MRPL35: variants seen among roughly 807,000 people sequenced by gnomAD.
MRPL35 encodes the protein large ribosomal subunit protein bL35m.
In MRPL35, 18 loss-of-function variants were observed where a neutral mutation model predicts 21.6. That is an observed-to-expected ratio of 0.83 (90% CI 0.58 to 1.24). The LOEUF (loss-of-function observed/expected upper bound fraction) is 1.24. MRPL35 is among the 50% of genes most tolerant of loss of function. MRPL35 has a pLI of 0.00. For missense variants in MRPL35, 223 were observed against 223.2 expected (o/e 1.00, Z 0.01); for synonymous variants, 87 against 86.9 (o/e 1.00, Z -0.01).
In MRPL35 at chr2:86,211,596, C is replaced by T. The variant is rs1482099865; in HGVS notation, c.*928C>T. On this transcript the variant is annotated 3_prime_UTR_variant, in exon 4 of 4. Transcript: ENST00000337109. Reference sequence around the variant, plus strand: ...CATAGGAGAGTAAATAGCCCTTCAGCATGCTCATTCATGAAACAGAAGAGG... The same window carrying T: ...CATAGGAGAGTAAATAGCCCTTCAGTATGCTCATTCATGAAACAGAAGAGG... 2 of 985,398 alleles carry T rather than the reference C, an allele frequency of 2.0e-6. No homozygotes were observed. Among genetic ancestry groups the T allele is most frequent in the South Asian group, 4.7e-5 (1 of 21,286 alleles). 61.0% of individuals were successfully genotyped at this position (985,398 alleles called of 1,614,324 possible).
At chr2:86,203,746 C>A (rs769131143) in intron 1 of MRPL35, among the ~76,000 whole-genome samples, 1 of 152,226 alleles carries the variant, frequency 6.6e-6, no homozygotes. Context: ...GTCTCATTAC[C>A]TCTCCATAAT....
In MRPL35 at chr2:86,210,857, CAG is replaced by C. The variant is rs148364811; in HGVS notation, c.*191_*192del. The stretch of plus-strand genomic sequence containing the variant: ...ACTTTGCCAGATTTGGTTAGGGAAA[CAG>C]AAATTTAGAATGGTGCATTATTTTT... On this transcript the variant is annotated 3_prime_UTR_variant, in exon 4 of 4. Transcript: ENST00000337109. 2,548 of 1,274,044 alleles carry C rather than the reference CAG, an allele frequency of 2.0e-3. 50 individuals carry two copies. The African/African-American group carries it at 0.034, about 17-fold the overall frequency. 78.9% of individuals were successfully genotyped at this position (1,274,044 alleles called of 1,614,324 possible). A position where few individuals can be genotyped will look rare whatever the true frequency, so the allele number is the denominator to read the frequency against.
Position 86,210,528 on chromosome 2 carries a change from C to A in MRPL35, c.427C>A (p.Arg143=). The change falls in exon 4 of 4, where the codon CGA becomes AGA. Residue 143 remains arginine (R), a synonymous_variant. Coordinates refer to ENST00000337109, the MANE Select transcript of MRPL35 (RefSeq NM_016622.4). ...GAAAAAGACACCTGCAAGGAAGAAGCGATTGAGGGAATTTGTATTCTGCAA... is the reference window on the plus strand; with the variant it reads ...GAAAAAGACACCTGCAAGGAAGAAGAGATTGAGGGAATTTGTATTCTGCAA... ...LWKKTPARKK[R]LREFVFCNKT... 6.2e-7 allele frequency: 1 copy of A among 1,612,160 alleles called. No individual in the cohort carries two copies. Among genetic ancestry groups the A allele is most frequent in the Non-Finnish European group, 8.5e-7 (1 of 1,179,252 alleles).
Position 86,213,301 on chromosome 2 carries a change from T to C in MRPL35, c.*2633T>C, listed in dbSNP as rs1673949460. ...CTTTGCCAACTCTTAACCTAGTTAA[T>C]CCTAGTTCTGTTGACATTGGACCAG... On this transcript the variant is annotated 3_prime_UTR_variant, in exon 4 of 4. Coordinates refer to ENST00000337109, the MANE Select transcript of MRPL35 (RefSeq NM_016622.4). 8.7e-7 allele frequency: 1 copy of C among 1,153,316 alleles called. No individual in the cohort carries two copies. Among genetic ancestry groups the C allele is most frequent in the Non-Finnish European group, 1.1e-6 (1 of 938,524 alleles). The allele number at this position is 1,153,316 out of a possible 1,614,324, so 71.4% of individuals were successfully genotyped here.
Position 86,199,515 on chromosome 2 carries a change from G to A in MRPL35, c.25G>A (p.Ala9Thr), listed in dbSNP as rs151046694. The stretch of plus-strand genomic sequence containing the variant: ...GATGGCTGCCTCTGCCTTTGCTGGT[G>A]CAGTGAGAGCAGCTTCAGGTCAGTG... MAASAFAG[A>T]VRAASGILRP... Residue 9 changes from alanine to threonine, a missense_variant, in exon 1 of 4, where the codon GCA becomes ACA. Transcript: ENST00000337109. 2.5e-6 allele frequency: 4 copies of A among 1,614,206 alleles called. No individual in the cohort carries two copies. The highest frequency in any genetic ancestry group is 2.5e-6 in the Non-Finnish European group (3 of 1,180,046).
In MRPL35 at chr2:86,210,576, G is replaced by A. The variant is rs776924088; in HGVS notation, c.475G>A (p.Asp159Asn). The change falls in exon 4 of 4, where the codon GAT becomes AAT. Residue 159 changes from aspartate (D) to asparagine (N), a missense_variant. Asp to Asn is a conservative substitution (Grantham distance 23). Transcript: ENST00000337109. ...FCNKTQSKLL[D>N]KMTTSFWKRR... The stretch of plus-strand genomic sequence containing the variant: ...CAATAAAACCCAGAGTAAACTCTTA[G>A]ATAAAATGACGACGTCCTTCTGGAA... 1 of 1,614,080 alleles carries A rather than the reference G, an allele frequency of 6.2e-7. No individual in the cohort carries two copies. Among genetic ancestry groups the A allele is most frequent in the Admixed American group, 1.7e-5 (1 of 60,018 alleles).
rs558694607 is a variant in MRPL35, at chr2:86,208,593, C to T, written c.378+1266C>T. Reference sequence around the variant, plus strand: ...AAGTGCTGGGATTACAGGCATGGGCCGTGACGCCTAGCCCCACCCTTTGGT... The same window carrying T: ...AAGTGCTGGGATTACAGGCATGGGCTGTGACGCCTAGCCCCACCCTTTGGT... On this transcript the variant is annotated intron_variant, in intron 3 of 3. Coordinates refer to ENST00000337109, the MANE Select transcript of MRPL35 (RefSeq NM_016622.4). Among the ~76,000 whole-genome samples, 15 of 152,282 alleles carry T rather than the reference C, an allele frequency of 9.9e-5. No homozygotes were observed. The South Asian group carries it at 1.4e-3, about 15-fold the overall frequency.
Position 86,212,634 on chromosome 2 carries a change from C to T in MRPL35, c.*1966C>T, listed in dbSNP as rs1673930113. 7.3e-7 allele frequency: 1 copy of T among 1,371,608 alleles called. No homozygotes were observed. 85.0% of individuals were successfully genotyped at this position (1,371,608 alleles called of 1,614,324 possible). ...GGGCCTCAGAGCACCTTCGTTTCTC[C>T]TCTAGACCAGGGACAGGTGTAGAGA... On this transcript the variant is annotated 3_prime_UTR_variant, in exon 4 of 4. Transcript: ENST00000337109.
chr2:86,213,264 T>C lies in MRPL35; in HGVS notation c.*2596T>C, dbSNP rs1673947557. 9.4e-7 allele frequency: 1 copy of C among 1,065,442 alleles called. No homozygotes were observed. 66.0% of individuals were successfully genotyped at this position (1,065,442 alleles called of 1,614,324 possible). On this transcript the variant is annotated 3_prime_UTR_variant, in exon 4 of 4. Coordinates refer to ENST00000337109, the MANE Select transcript of MRPL35 (RefSeq NM_016622.4). ...ATTCAGCTTTTAAATTTTATTACTT[T>C]GCTTTCCTGTCCTTTGCCAACTCTT... is the stretch of plus-strand genomic sequence containing the variant.
chr2:86,212,446 G>GTC lies in MRPL35; in HGVS notation c.*1778_*1779insTC. 1 of 1,613,828 alleles carries GTC rather than the reference G, an allele frequency of 6.2e-7. No homozygotes were observed. The highest frequency in any genetic ancestry group is 8.5e-7 in the Non-Finnish European group (1 of 1,179,872). On this transcript the variant is annotated 3_prime_UTR_variant, in exon 4 of 4. Transcript: ENST00000337109. ...CTGAGACGGCAAAGCCAACCACTTAGAAGCCTTCCACATCTTTGTCACCTG... is the reference window on the plus strand; with the variant it reads ...CTGAGACGGCAAAGCCAACCACTTAGTCAAGCCTTCCACATCTTTGTCACCTG...
intron 1 of MRPL35, among the ~76,000 whole-genome samples, chr2:86,204,554 T>A (rs1673754817): frequency 6.6e-6 from 1 of 152,020 alleles, no homozygotes; most frequent in African/African-American, 2.4e-5. Context: ...TCAGAATTTA[T>A]GGGTGGAGTC....
chr2:86,213,352 C>A lies in MRPL35; in HGVS notation c.*2684C>A. On this transcript the variant is annotated 3_prime_UTR_variant, in exon 4 of 4. Transcript: ENST00000337109. ...GCTCAGTAAATAAACGAATGGATTT[C>A]CAGCCTTTTTTTCCCATCTGTTCCT... 8.0e-7 allele frequency: 1 copy of A among 1,245,148 alleles called. No homozygotes were observed. The highest frequency in any genetic ancestry group is 3.1e-5 in the South Asian group (1 of 32,172). The allele number at this position is 1,245,148 out of a possible 1,614,324, so 77.1% of individuals were successfully genotyped here.
At chr2:86,204,066 C>T (rs550777447) in intron 1 of MRPL35, among the ~76,000 whole-genome samples, 1 of 151,868 alleles carries the variant, frequency 6.6e-6, no homozygotes, top group African/African-American at 2.4e-5. Context: ...CTCACTGCAC[C>T]CTCTTCCTCC....
rs1329524009 is a variant in MRPL35 at position 86,207,257 on chromosome 2, A to G, written c.308A>G (p.Lys103Arg). 6.2e-7 allele frequency: 1 copy of G among 1,614,096 alleles called. No individual in the cohort carries two copies. The highest frequency in any genetic ancestry group is 8.5e-7 in the Non-Finnish European group (1 of 1,179,946). ...SLTYFSARKG[K>R]RKTVKAVIDR... The stretch of plus-strand genomic sequence containing the variant: ...ACATACTTCAGTGCAAGAAAAGGCA[A>G]GAGAAAGACCGTGAAAGCTGTCATC... Residue 103 changes from lysine to arginine, a missense_variant, in exon 3 of 4, where the codon AAG (lysine) becomes AGG (arginine). Transcript: ENST00000337109.
intron 1 of MRPL35, among the ~76,000 whole-genome samples, chr2:86,201,051 G>C (rs1673675435): frequency 6.6e-6 from 1 of 152,166 alleles, no homozygotes; most frequent in Admixed American, 6.5e-5. Context: ...TCTCATCCTG[G>C]CGCATGAGTC....
rs1031743573 is a variant in MRPL35, at chr2:86,212,089, T to C, written c.*1421T>C. On this transcript the variant is annotated 3_prime_UTR_variant, in exon 4 of 4. Transcript: ENST00000337109. ...AAACAGCAAAGTACTTTGAAAACCATTATTAAATAGAATTATGCATGAATT... is the reference window on the plus strand; with the variant it reads ...AAACAGCAAAGTACTTTGAAAACCACTATTAAATAGAATTATGCATGAATT... 3.6e-6 allele frequency: 4 copies of C among 1,124,084 alleles called. No individual in the cohort carries two copies. Among genetic ancestry groups the C allele is most frequent in the Non-Finnish European group, 4.4e-6 (4 of 916,642 alleles). 69.6% of individuals were successfully genotyped at this position (1,124,084 alleles called of 1,614,324 possible). A position where few individuals can be genotyped will look rare whatever the true frequency, so the allele number is the denominator to read the frequency against.
chr2:86,200,988 GT>G (rs1352883537), intron 1 of MRPL35, among the ~76,000 whole-genome samples: 5 of 152,234 alleles, frequency 3.3e-5, no homozygotes, highest in African/African-American at 1.2e-4. Context: ...TTATATGACT[GT>G]GCCACAATTC....
chr2:86,205,033 G>A (rs1673763462), intron 1 of MRPL35, among the ~76,000 whole-genome samples: 1 of 152,126 alleles, frequency 6.6e-6, no homozygotes, highest in African/African-American at 2.4e-5. Flanking sequence ...GAGCCCAGGA[G>A]TTCAAGATTG....
Position 86,210,765 on chromosome 2 carries a change from C to A in MRPL35, c.*97C>A. 12 of 1,447,274 alleles carry A rather than the reference C, an allele frequency of 8.3e-6. No individual in the cohort carries two copies. The highest frequency in any genetic ancestry group is 1.7e-5 in the South Asian group (1 of 59,074). The allele number at this position is 1,447,274 out of a possible 1,614,324, so 89.7% of individuals were successfully genotyped here. On this transcript the variant is annotated 3_prime_UTR_variant, in exon 4 of 4. Transcript: ENST00000337109. ...AGTACAAAACTTGATGTAAATTGTA[C>A]CAATGAATACGTAAACATACAGTGA...
Sources: gnomAD v4.1 joint callset for allele counts (sites outside exome capture counted in the v4.1 genomes callset) on GRCh38, gnomAD v4.1.1 for gene constraint, MANE v1.5 for transcripts, NCBI Gene and HGNC (gene_info 2026-07-23, HGNC 2026-07-21) for gene names.